APLP2: variants seen among roughly 807,000 people sequenced by gnomAD.
APLP2 encodes CDEI box-binding protein.
APLP2 carries 53 observed loss-of-function variants against 89.9 expected under a neutral mutation model. The observed-to-expected ratio is 0.59, with a 90% CI of 0.47 to 0.74. APLP2 has a LOEUF of 0.74. APLP2 is among the 30% of genes least tolerant of loss of function. APLP2 has a pLI of 0.00. For missense variants in APLP2, 973 were observed against 975.9 expected, an observed-to-expected ratio of 1.00 and a Z score of 0.04; for synonymous variants, 372 against 348.6, an observed-to-expected ratio of 1.07 and a Z score of -0.75.
At chr11:130,101,176 G>T (rs1057017007) in intron 1 of APLP2, among the ~76,000 whole-genome samples, 3 of 152,080 alleles carry the variant, frequency 2.0e-5, no homozygotes, top group African/African-American at 7.2e-5. Flanking sequence ...CGTGTGTTTT[G>T]TTGTTGTTGT....
At chr11:130,114,688 C>T (rs1948977205) in intron 3 of APLP2, among the ~76,000 whole-genome samples, 1 of 152,128 alleles carries the variant, frequency 6.6e-6, no homozygotes, top group Non-Finnish European at 1.5e-5. Flanking sequence ...ACCATGGTTT[C>T]TTTTAGTGGG....
intron 2 of APLP2, among the ~76,000 whole-genome samples, chr11:130,110,333 A>G (rs1948389923): frequency 6.6e-6 from 1 of 152,238 alleles, no homozygotes; most frequent in African/African-American, 2.4e-5. Flanking sequence ...AATGCGTGGA[A>G]GTGTTCAGAA....
At chr11:130,113,910 G>A (rs921706322) in intron 3 of APLP2, among the ~76,000 whole-genome samples, 3 of 152,092 alleles carry the variant, frequency 2.0e-5, no homozygotes, top group Admixed American at 1.3e-4. Flanking sequence ...TGATCAATGT[G>A]GTAAAAAATC....
chr11:130,137,891 A>G (rs1401015506), intron 13 of APLP2, among the ~76,000 whole-genome samples: 1 of 152,200 alleles, frequency 6.6e-6, no homozygotes, highest in Non-Finnish European at 1.5e-5. Context: ...GTAAAGCACT[A>G]TGTGGAATGC....
chr11:130,142,685 C>T (rs377430104), intron 16 of APLP2, among the ~76,000 whole-genome samples: 4 of 152,250 alleles, frequency 2.6e-5, no homozygotes, highest in African/African-American at 7.2e-5. Flanking sequence ...GCGATCTCAG[C>T]GCACTGCAAC....
At chr11:130,079,538 T>G (rs895294988) in intron 1 of APLP2, among the ~76,000 whole-genome samples, 4 of 152,256 alleles carry the variant, frequency 2.6e-5, no homozygotes, top group Non-Finnish European at 5.9e-5. Flanking sequence ...ATGGCATCTT[T>G]AAGATTTTTT....
chr11:130,129,819 T>C (rs1353786053), intron 10 of APLP2, among the ~76,000 whole-genome samples: 1 of 152,214 alleles, frequency 6.6e-6, no homozygotes, highest in Non-Finnish European at 1.5e-5. Flanking sequence ...GAAAATACTG[T>C]ATGTTAAGGA....
chr11:130,074,121 C>G (rs1392646288), intron 1 of APLP2, among the ~76,000 whole-genome samples: 2 of 152,210 alleles, frequency 1.3e-5, no homozygotes, highest in Non-Finnish European at 2.9e-5. Context: ...TGATACAATA[C>G]TTGGATCTTA....
rs542705064 is a variant in APLP2, at chr11:130,075,923, T to C, written c.105+5841T>C. On this transcript the variant is annotated intron_variant, in intron 1 of 16. Transcript: ENST00000338167. Reference sequence around the variant, plus strand: ...AACTAATTTCATACAAGTTGTGATATATTATGAACCATTGTAAACCATATG... The same window carrying C: ...AACTAATTTCATACAAGTTGTGATACATTATGAACCATTGTAAACCATATG... 3.3e-5 allele frequency among the ~76,000 whole-genome samples: 5 copies of C among 152,374 alleles called. No individual in the cohort carries two copies. In the South Asian group the frequency reaches 8.3e-4, roughly 25 times the overall value.
rs144056522 is a variant in APLP2 at position 130,132,570 on chromosome 11, G to A, written c.1585-1059G>A. Among the ~76,000 whole-genome samples, 522 of 150,770 alleles carry A rather than the reference G, an allele frequency of 3.5e-3. 1 individual carries two copies. The highest frequency in any genetic ancestry group is 0.012 in the African/African-American group (500 of 40,932). ...CCCGTCACCTTTCACTTCCATCCTG[G>A]AAAACTGTAAAAATAGTGACCACTT... On this transcript the variant is annotated intron_variant, in intron 11 of 16. Coordinates refer to ENST00000338167, the MANE Select transcript of APLP2 (RefSeq NM_001142276.2).
Position 130,125,346 on chromosome 11 carries a change from C to T in APLP2, c.1091-1354C>T, listed in dbSNP as rs145140983. Among the ~76,000 whole-genome samples the T allele has an allele frequency of 9.4e-4, 143 of 152,266 alleles. 1 individual carries two copies. In the East Asian group the frequency reaches 0.021, roughly 23 times the overall value. On this transcript the variant is annotated intron_variant, in intron 7 of 16. Coordinates refer to ENST00000338167, the MANE Select transcript of APLP2 (RefSeq NM_001142276.2). ...AACCAAAGGCTCCGTCTCCAGCGCT[C>T]AGGCCTTTATAGCACAGGCATGTGT...
In APLP2 at chr11:130,070,075, A is replaced by G. The variant is rs776174946; in HGVS notation, c.98A>G (p.Tyr33Cys). 1.4e-6 allele frequency: 2 copies of G among 1,474,202 alleles called. No individual in the cohort carries two copies. Among genetic ancestry groups the G allele is most frequent in the African/African-American group, 1.5e-5 (1 of 67,922 alleles). The allele number at this position is 1,474,202 out of a possible 1,614,324, so 91.3% of individuals were successfully genotyped here. A position where few individuals can be genotyped will look rare whatever the true frequency, so the allele number is the denominator to read the frequency against. ...GCGCCTGCCTTGGCGCTGGCCGGCTACATCGAGGTGGGGACCGGGCGAACG... is the reference window on the plus strand; with the variant it reads ...GCGCCTGCCTTGGCGCTGGCCGGCTGCATCGAGGTGGGGACCGGGCGAACG... ...LTAPALALAG[Y>C]IEALAANAGT... is the part of the protein sequence containing the mutation. Residue 33 changes from tyrosine to cysteine, a missense_variant, in exon 1 of 17, where the codon TAC becomes TGC. By Grantham distance (194) the Tyr-to-Cys change is radical. Coordinates refer to ENST00000338167, the MANE Select transcript of APLP2 (RefSeq NM_001142276.2).
intron 13 of APLP2, chr11:130,138,665 A>T (rs1320267196): frequency 7.1e-6 from 1 of 140,702 alleles, no homozygotes; most frequent in Non-Finnish European, 1.5e-5. Flanking sequence ...GGCTCACTGC[A>T]GCCTCCTCCT....
At chr11:130,140,546 C>G in intron 14 of APLP2, 63 bp downstream of exon 14, 1 of 1,380,692 alleles carries the variant, frequency 7.2e-7, no homozygotes, top group South Asian at 1.4e-5. Context: ...AGCGAGTGAC[C>G]TGATGTCAGA....
At chr11:130,070,726 A>G in intron 1 of APLP2, 2 of 1,467,036 alleles carry the variant, frequency 1.4e-6, no homozygotes, top group Non-Finnish European at 1.8e-6. Flanking sequence ...CTGCGTCCGT[A>G]GACCGAGGAA....
rs1022091977 is a variant in APLP2, at chr11:130,141,667, C to A, written c.1998+95C>A. ...TTCAAGTAGAAAACGGGAGAGATGC[C>A]TGAGCTAATAAGGGTCCCTCATCCC... On this transcript the variant is annotated intron_variant, in intron 15 of 16. Coordinates refer to ENST00000338167, the MANE Select transcript of APLP2 (RefSeq NM_001142276.2). The surrounding 1 kb of genome is among the most constrained non-coding windows in gnomAD (Gnocchi z 4.2). 4.3e-6 allele frequency: 5 copies of A among 1,152,300 alleles called. No individual in the cohort carries two copies. Among genetic ancestry groups the A allele is most frequent in the Non-Finnish European group, 5.1e-6 (4 of 785,436 alleles). The allele number at this position is 1,152,300 out of a possible 1,614,324, so 71.4% of individuals were successfully genotyped here. A position where few individuals can be genotyped will look rare whatever the true frequency, so the allele number is the denominator to read the frequency against.
intron 1 of APLP2, among the ~76,000 whole-genome samples, chr11:130,085,733 A>G (rs1449019501): frequency 2.0e-5 from 3 of 152,178 alleles, no homozygotes; most frequent in African/African-American, 7.2e-5. Flanking sequence ...CCCATTAGAC[A>G]CTAACTTTCT....
intron 1 of APLP2, among the ~76,000 whole-genome samples, chr11:130,072,106 C>G (rs1941211673): frequency 6.6e-6 from 1 of 152,152 alleles, no homozygotes; most frequent in Non-Finnish European, 1.5e-5. Context: ...CTGAATTAAT[C>G]TCTTACACCT....
intron 1 of APLP2, among the ~76,000 whole-genome samples, chr11:130,090,903 C>T (rs899158102): frequency 1.3e-5 from 2 of 150,366 alleles, no homozygotes; most frequent in African/African-American, 2.4e-5. Context: ...GCTGACCCCC[C>T]CCATCTCCCT....
Sources: gnomAD v4.1 joint callset for allele counts (sites outside exome capture counted in the v4.1 genomes callset) on GRCh38, gnomAD v4.1.1 for gene constraint, Gnocchi (gnomAD v3.1) non-coding constraint, MANE v1.5 for transcripts, NCBI Gene and HGNC (gene_info 2026-07-23, HGNC 2026-07-21) for gene names.